The following LIAS variants were observed in gnomAD, a reference collection of about 807,000 sequenced individuals.
LIAS encodes the protein lipoic acid synthetase, also known as lipoyl synthase, mitochondrial.
In LIAS, 36 loss-of-function variants were observed where a neutral mutation model predicts 49.4. The observed-to-expected ratio is 0.73, with a 90% confidence interval of 0.56 to 0.96. The LOEUF (loss-of-function observed/expected upper bound fraction) is 0.96, where lower values mean the gene tolerates loss of function less well. Ranked by LOEUF, LIAS falls within the 40% of genes least tolerant of loss-of-function variation. The probability of loss-of-function intolerance (pLI) is 0.00; values close to 1 mark genes in which losing one functional copy is unlikely to be tolerated. For synonymous variants in LIAS, 145 were observed against 155.8 expected (o/e 0.93, Z 0.52); for missense variants, 399 against 456.3 (o/e 0.87, Z 1.14).
chr4:39,465,526 T>C (rs1744722937), intron 6 of LIAS, among the ~76,000 whole-genome samples, 184 bp downstream of exon 6: 1 of 152,330 alleles, frequency 6.6e-6, no homozygotes, highest in African/African-American at 2.4e-5. Context: ...CAGATACATA[T>C]TTGCAGAGAA....
intron 6 of LIAS, chr4:39,466,129 C>T (rs1744746258): frequency 6.6e-6 from 1 of 152,102 alleles, no homozygotes; most frequent in Non-Finnish European, 1.5e-5. Flanking sequence ...TACACTACCA[C>T]GCTTGGCTAA....
intron 6 of LIAS, 70 bp downstream of exon 6, chr4:39,465,412 A>T: frequency 7.8e-7 from 1 of 1,274,964 alleles, no homozygotes; most frequent in Non-Finnish European, 1.1e-6. Context: ...TAAGTTCATT[A>T]CCTTGAAACA....
chr4:39,460,866 A>C lies in LIAS; in HGVS notation c.122A>C (p.Asn41Thr). The C allele has an allele frequency of 6.2e-7, 1 of 1,613,286 alleles. No individual in the cohort carries two copies. The highest frequency in any genetic ancestry group is 8.5e-7 in the Non-Finnish European group (1 of 1,179,680). Residue 41 changes from asparagine to threonine, a missense_variant, in exon 2 of 11, where the codon AAT becomes ACT. Transcript: ENST00000640888. ...LPDKKKELLQ[N>T]GPDLQDFVSG... is the part of the protein sequence containing the mutation. ...GATAAAAAAAAGGAACTCCTACAGA[A>C]TGGACCAGACCTTCAAGATTTTGTA...
At chr4:39,475,420 A>T (rs965760355) in intron 10 of LIAS, 4 of 148,686 alleles carry the variant, frequency 2.7e-5, no homozygotes, top group Admixed American at 6.7e-5. Flanking sequence ...TAAACTAGGT[A>T]TTTTTTTTTT....
At chr4:39,466,314 G>T (rs1744753690) in intron 6 of LIAS, 1 of 152,104 alleles carries the variant, frequency 6.6e-6, no homozygotes, top group Non-Finnish European at 1.5e-5. Flanking sequence ...TTTTTTAAAT[G>T]ATTCCCTAGT....
At position 39,470,162 on chromosome 4, in the gene LIAS, A is replaced by T. The variant is rs1396281699; in HGVS notation, c.881A>T (p.Lys294Ile). The T allele has an allele frequency of 6.2e-7, 1 of 1,605,986 alleles. No homozygotes were observed. Among genetic ancestry groups the T allele is most frequent in the East Asian group, 2.2e-5 (1 of 44,696 alleles). Residue 294 changes from lysine to isoleucine, a missense_variant and splice_region_variant, in exon 8 of 11, where the codon AAA (lysine) becomes ATA (isoleucine). Lys to Ile is a moderately radical substitution (Grantham distance 102, BLOSUM62 -3). This residue lies in a region of LIAS where 234 missense variants were observed against 292.2 expected (regional missense o/e 0.80). Coordinates refer to ENST00000640888, the MANE Select transcript of LIAS (RefSeq NM_006859.4). Reference protein sequence around the residue: ...ENDEQVYATMKALREADVDCL... With the variant: ...ENDEQVYATMIALREADVDCL... ...GATGAGCAAGTATATGCAACAATGA[A>T]AGGTAAAGAAATTGAAAAATGAAAA...
intron 7 of LIAS, 200 bp downstream of exon 7, chr4:39,467,846 C>A: frequency 3.1e-6 from 1 of 327,360 alleles, no homozygotes; most frequent in Non-Finnish European, 5.5e-6. Context: ...TAAATATCAC[C>A]CATAATAGTA....
intron 8 of LIAS, among the ~76,000 whole-genome samples, chr4:39,470,379 T>A (rs531857748): frequency 3.3e-5 from 5 of 151,044 alleles, no homozygotes; most frequent in Admixed American, 2.6e-4. Flanking sequence ...TTTCATGGAG[T>A]GATATGCATG....
chr4:39,459,383 C>G (rs989087761), intron 1 of LIAS: 5 of 601,716 alleles, frequency 8.3e-6, no homozygotes, highest in Non-Finnish European at 1.5e-5. Flanking sequence ...GGGCCAGCAC[C>G]GAGGACTTAT....
intron 1 of LIAS, among the ~76,000 whole-genome samples, chr4:39,460,487 T>C (rs973680726): frequency 4.0e-5 from 6 of 149,802 alleles, no homozygotes; most frequent in African/African-American, 1.2e-4. Flanking sequence ...TGAGCCAAGA[T>C]TGCGCCACTG....
chr4:39,474,458 C>T (rs1745116351), intron 10 of LIAS, among the ~76,000 whole-genome samples: 5 of 151,260 alleles, frequency 3.3e-5, no homozygotes, highest in Admixed American at 3.3e-4. Flanking sequence ...AAAAAAGAAA[C>T]AGCTAGGCCA....
chr4:39,472,458 C>T (rs1363223292), intron 9 of LIAS, among the ~76,000 whole-genome samples: 2 of 152,152 alleles, frequency 1.3e-5, no homozygotes, highest in African/African-American at 2.4e-5. Context: ...AAATCAGCTA[C>T]GTTTGCACAT....
chr4:39,478,921 A>T lies in LIAS; in HGVS notation c.*1806A>T, dbSNP rs955219754. 3 of 152,174 alleles carry T rather than the reference A, an allele frequency of 2.0e-5. No homozygotes were observed. The highest frequency in any genetic ancestry group is 2.9e-5 in the Non-Finnish European group (2 of 68,032). The allele number at this position is 152,174 out of a possible 1,614,324, so 9.4% of individuals were successfully genotyped here. ...AGCCAGTATTATAAAAGTAATGCAC[A>T]TCCTTGCCAGGTGTGGTGGCTCACG... On this transcript the variant is annotated 3_prime_UTR_variant, in exon 11 of 11. Transcript: ENST00000640888.
intron 7 of LIAS, chr4:39,469,356 A>G (rs999413900): frequency 1.3e-5 from 2 of 152,266 alleles, no homozygotes; most frequent in Non-Finnish European, 2.9e-5. Context: ...ATAAAGCTGC[A>G]TTAGAATTGA....
chr4:39,464,427 G>A (rs1193499522), intron 4 of LIAS, among the ~76,000 whole-genome samples: 4 of 151,664 alleles, frequency 2.6e-5, no homozygotes, highest in Non-Finnish European at 5.9e-5. Context: ...AGATTAAAAC[G>A]TTAGCATTAT....
intron 6 of LIAS, 83 bp downstream of exon 6, chr4:39,465,425 G>A (rs1399136739): frequency 1.5e-5 from 17 of 1,159,118 alleles, no homozygotes; most frequent in Middle Eastern, 3.0e-4. Context: ...TTGAAACAGG[G>A]ATTATTCACT....
At chr4:39,474,405 C>T (rs1008386761) in intron 10 of LIAS, among the ~76,000 whole-genome samples, 2 of 151,638 alleles carry the variant, frequency 1.3e-5, no homozygotes, top group African/African-American at 2.4e-5. Flanking sequence ...ACAGCTCCAG[C>T]CTGGGTGACA....
In LIAS at chr4:39,478,775, T is replaced by A. The variant is rs1745294844; in HGVS notation, c.*1660T>A. ...CTTCCAAAATACTAATAACTCAGATTCATCTTTTGACTGAATCCTGCCTTT... is the reference window on the plus strand; with the variant it reads ...CTTCCAAAATACTAATAACTCAGATACATCTTTTGACTGAATCCTGCCTTT... On this transcript the variant is annotated 3_prime_UTR_variant, in exon 11 of 11. Coordinates refer to ENST00000640888, the MANE Select transcript of LIAS (RefSeq NM_006859.4). 1 of 152,246 alleles carries A rather than the reference T, an allele frequency of 6.6e-6. No homozygotes were observed. Among genetic ancestry groups the A allele is most frequent in the African/African-American group, 2.4e-5 (1 of 41,460 alleles). 9.4% of individuals were successfully genotyped at this position (152,246 alleles called of 1,614,324 possible). A position where few individuals can be genotyped will look rare whatever the true frequency, so the allele number is the denominator to read the frequency against.
intron 9 of LIAS, 103 bp downstream of exon 9, chr4:39,471,409 C>T: frequency 1.3e-6 from 1 of 788,832 alleles, no homozygotes; most frequent in Non-Finnish European, 2.0e-6. Context: ...TCTCGGCTCA[C>T]TGTAATCTCT....
Sources: allele counts gnomAD v4.1 joint callset (sites outside exome capture counted in the v4.1 genomes callset), GRCh38; gene constraint gnomAD v4.1.1; regional missense constraint gnomAD v4.1.1; transcripts MANE v1.5; gene names NCBI Gene and HGNC (gene_info 2026-07-23, HGNC 2026-07-21).